The following NR4A1 variants were observed in gnomAD, a reference collection of about 807,000 sequenced individuals.
NR4A1 encodes the protein nuclear receptor subfamily 4immunitygroup A member 1.
Under a neutral mutation model 47.5 loss-of-function variants are expected in NR4A1, and 24 were observed. The observed-to-expected ratio is 0.50, with a 90% CI of 0.37 to 0.71. NR4A1 has a LOEUF of 0.71. Among genes scored for constraint, NR4A1 ranks in the 30% least tolerant of loss-of-function variants. The pLI is 0.00. For synonymous variants in NR4A1, 353 were observed against 345.7 expected, an observed-to-expected ratio of 1.02 and a Z score of -0.24; for missense variants, 669 against 788.6, an observed-to-expected ratio of 0.85 and a Z score of 1.82.
chr12:52,044,327 C>G (rs549086595), intron 2 of NR4A1, among the ~76,000 whole-genome samples: 388 of 152,320 alleles, frequency 2.5e-3, no homozygotes, highest in Non-Finnish European at 4.7e-3. Context: ...GCTTGGCGTT[C>G]TGCTGAGCCC....
chr12:52,023,767 G>T (rs922461142), intron 1 of NR4A1, among the ~76,000 whole-genome samples: 4 of 152,068 alleles, frequency 2.6e-5, no homozygotes, highest in African/African-American at 9.7e-5. Flanking sequence ...TCGAACCCCA[G>T]CCTGCCGAGC....
At chr12:52,034,850 T>C (rs1270533501) in intron 1 of NR4A1, among the ~76,000 whole-genome samples, 1 of 152,180 alleles carries the variant, frequency 6.6e-6, no homozygotes, top group African/African-American at 2.4e-5. Flanking sequence ...AGGTCCCAAG[T>C]CCTCCAAGTC....
At chr12:52,037,842 G>A (rs1938295880) in intron 1 of NR4A1, 2 of 985,410 alleles carry the variant, frequency 2.0e-6, no homozygotes, top group Non-Finnish European at 2.4e-6. Flanking sequence ...ACCAAGGCTG[G>A]GGGTCTCGTG....
chr12:52,032,665 G>C (rs779309312), intron 1 of NR4A1, among the ~76,000 whole-genome samples: 1 of 152,158 alleles, frequency 6.6e-6, no homozygotes, highest in Non-Finnish European at 1.5e-5. Flanking sequence ...TGGCCTAGGT[G>C]TTTCTCCGAA....
chr12:52,047,080 C>G (rs1321356318), upstream of NR4A1, among the ~76,000 whole-genome samples: 1 of 152,126 alleles, frequency 6.6e-6, no homozygotes, highest in Non-Finnish European at 1.5e-5. Context: ...TCTCTCCCCG[C>G]CCTTCCATGT....
chr12:52,052,993 G>T (rs570601625), intron 1 of NR4A1, among the ~76,000 whole-genome samples: 1 of 152,166 alleles, frequency 6.6e-6, no homozygotes, highest in Non-Finnish European at 1.5e-5. Context: ...TAGAAGGAAG[G>T]CTAGGACCAG....
upstream of NR4A1, chr12:52,051,402 G>T (rs1459311666): frequency 1.0e-6 from 1 of 985,532 alleles, no homozygotes; most frequent in Non-Finnish European, 1.2e-6. Flanking sequence ...CTCCCCGTGC[G>T]TCACGGAGCG....
intron 1 of NR4A1, among the ~76,000 whole-genome samples, chr12:52,028,581 CA>C (rs1309990549): frequency 1.3e-5 from 2 of 148,422 alleles, no homozygotes; most frequent in African/African-American, 2.5e-5. Context: ...TCAAACAAAA[CA>C]AAAAAACAAA....
chr12:52,043,648 TC>T (rs1938520178), intron 2 of NR4A1: 2 of 1,184,364 alleles, frequency 1.7e-6, no homozygotes, highest in Non-Finnish European at 2.1e-6. Context: ...CCAAAGTGGC[TC>T]CCCCCATCCC....
At position 52,054,601 on chromosome 12, in the gene NR4A1, C is replaced by T. The variant is rs1040755725; in HGVS notation, c.273C>T (p.Ser91=). The T allele has an allele frequency of 1.9e-6, 3 of 1,614,088 alleles. No individual in the cohort carries two copies. Among genetic ancestry groups the T allele is most frequent in the Non-Finnish European group, 2.5e-6 (3 of 1,180,036 alleles). The part of the protein sequence containing the change: ...ASSSASSTSS[S]SATSPASASF... ...CCTCGGCCTCCTCCACATCCTCGTC[C>T]TCAGCCACCTCCCCTGCCTCTGCCT... The change falls in exon 2 of 7, where the codon TCC becomes TCT. Residue 91 remains serine, a synonymous_variant. Coordinates refer to ENST00000394825, the MANE Select transcript of NR4A1 (RefSeq NM_173157.3).
intron 2 of NR4A1, chr12:52,043,848 C>T: frequency 7.8e-7 from 1 of 1,289,066 alleles, no homozygotes; most frequent in Middle Eastern, 2.2e-4. Flanking sequence ...TCTTGGGATT[C>T]TCCCTTCGTG....
intron 2 of NR4A1, among the ~76,000 whole-genome samples, chr12:52,044,186 TC>T (rs1938542476): frequency 6.6e-6 from 1 of 152,234 alleles, no homozygotes; most frequent in South Asian, 2.1e-4. Context: ...CGTCCTCCTC[TC>T]CTCTCCACCC....
At chr12:52,027,072 C>A (rs1938014337) in intron 1 of NR4A1, among the ~76,000 whole-genome samples, 1 of 152,192 alleles carries the variant, frequency 6.6e-6, no homozygotes, top group Non-Finnish European at 1.5e-5. Flanking sequence ...AGCTGTGGGC[C>A]CCCCACAAAT....
chr12:52,027,966 C>A (rs1592279644), intron 1 of NR4A1, among the ~76,000 whole-genome samples: 2 of 151,988 alleles, frequency 1.3e-5, no homozygotes, highest in African/African-American at 4.8e-5. Flanking sequence ...CTTTTAGAGG[C>A]TGAGGTGGGA....
rs1938299653 is a variant in NR4A1, at chr12:52,037,943, T to A, written c.-83-3867T>A. On this transcript the variant is annotated intron_variant, in intron 1 of 7. Transcript: ENST00000360284. ...GTTTTGTTTTTTTGCCGCAACATCT[T>A]CCTTATACTGGGTGGGGTGGGGGCG... is the stretch of plus-strand genomic sequence containing the variant. 4 of 709,572 alleles carry A rather than the reference T, an allele frequency of 5.6e-6. No homozygotes were observed. In the African/African-American group the frequency reaches 8.6e-5, roughly 15 times the overall value. The allele number at this position is 709,572 out of a possible 1,614,324, so 44.0% of individuals were successfully genotyped here.
chr12:52,045,530 A>T (rs1306845243), intron 2 of NR4A1: 12 of 452,876 alleles, frequency 2.6e-5, no homozygotes. Context: ...CTACATTTGG[A>T]TGTGGAGCCT....
In NR4A1 at chr12:52,058,767, A is replaced by C. The variant is rs766761818; in HGVS notation, c.1620A>C (p.Ala540=). 6.2e-7 allele frequency: 1 copy of C among 1,612,580 alleles called. No homozygotes were observed. The highest frequency in any genetic ancestry group is 8.5e-7 in the Non-Finnish European group (1 of 1,179,652). The change falls in exon 7 of 7, where the codon GCA becomes GCC. Residue 540 remains alanine, a synonymous_variant. Coordinates refer to ENST00000394825, the MANE Select transcript of NR4A1 (RefSeq NM_173157.3). ...CCAGCTGCCTGAAGGAGCACGTGGC[A>C]GCTGTGGCGGGCGAGCCCCAGCCAG... The part of the protein sequence containing the change: ...RIASCLKEHV[A]AVAGEPQPAS...
intron 1 of NR4A1, among the ~76,000 whole-genome samples, chr12:52,029,346 C>G (rs1207611303): frequency 6.6e-6 from 1 of 152,226 alleles, no homozygotes; most frequent in Admixed American, 6.5e-5. Flanking sequence ...CCTGTGGGTC[C>G]TGCAGTTCTG....
At position 52,053,819 on chromosome 12, in the gene NR4A1, G is replaced by A. The variant is rs80287969; in HGVS notation, c.-2-508G>A. Reference sequence around the variant, plus strand: ...CGATGTCCTTCTTCCTAGGCACTGCGAGGGGAGGAGAAAAGGGGCTTTGCA... The same window carrying A: ...CGATGTCCTTCTTCCTAGGCACTGCAAGGGGAGGAGAAAAGGGGCTTTGCA... On this transcript the variant is annotated intron_variant, in intron 1 of 6. Transcript: ENST00000394825. The A allele has an allele frequency of 4.8e-3, 746 of 156,160 alleles. 5 individuals are homozygous for A. Among genetic ancestry groups the A allele is most frequent in the South Asian group, 8.7e-3 (43 of 4,922 alleles). The allele number at this position is 156,160 out of a possible 1,614,324, so 9.7% of individuals were successfully genotyped here.
Sources: allele counts gnomAD v4.1 joint callset (sites outside exome capture counted in the v4.1 genomes callset), GRCh38; gene constraint gnomAD v4.1.1; transcripts MANE v1.5; gene names NCBI Gene and HGNC (gene_info 2026-07-23, HGNC 2026-07-21).